GALC: variants seen among roughly 807,000 people sequenced by gnomAD.
The protein encoded by GALC is galactosylceramidase.
In GALC, 77 loss-of-function variants were observed where a neutral mutation model predicts 91.8. The ratio of observed to expected loss-of-function variants is 0.84; its 90% CI spans 0.70 to 1.01. The LOEUF (loss-of-function observed/expected upper bound fraction) is 1.01, where lower values mean the gene tolerates loss of function less well. Among genes scored for constraint, GALC ranks in the 50% least tolerant of loss-of-function variants. The pLI is 0.00. For synonymous variants in GALC, 357 were observed against 306.7 expected (o/e 1.16, Z -1.71); for missense variants, 882 against 855.9 (o/e 1.03, Z -0.38).
chr14:87,934,294 C>G lies in GALC; in HGVS notation c.*438G>C. ...AGTGTTCTTCAGCTTTCTATTATGG[C>G]AGCATCATCTTGTGATGAAGACACT... On this transcript the variant is annotated 3_prime_UTR_variant, in exon 17 of 17. Coordinates refer to ENST00000261304, the MANE Select transcript of GALC (RefSeq NM_000153.4). 8.5e-6 allele frequency: 11 copies of G among 1,294,062 alleles called. 1 individual carries two copies. The Middle Eastern group carries it at 9.1e-4, about 107-fold the overall frequency. The allele number at this position is 1,294,062 out of a possible 1,614,324, so 80.2% of individuals were successfully genotyped here.
intron 7 of GALC, among the ~76,000 whole-genome samples, chr14:87,970,933 TTCTC>T (rs1474109352): frequency 6.7e-6 from 1 of 149,732 alleles, no homozygotes; most frequent in African/African-American, 2.5e-5. Flanking sequence ...TAGGCAAACA[TTCTC>T]TATCACTTCA....
chr14:87,970,209 C>G (rs890930247), intron 7 of GALC, among the ~76,000 whole-genome samples: 5 of 152,202 alleles, frequency 3.3e-5, no homozygotes, highest in Non-Finnish European at 7.4e-5. Context: ...TAGTTGTCAT[C>G]CAGTTGTCTA....
In GALC at chr14:87,968,315, A is replaced by G. The variant is rs757796938; in HGVS notation, c.908+20T>C. On this transcript the variant is annotated intron_variant, in intron 8 of 16. Coordinates refer to ENST00000261304, the MANE Select transcript of GALC (RefSeq NM_000153.4). ...TAAATTTTTTTTGATAAGAACTCTAAAAGGTTTTTAATAACTTACGAAGTC... is the reference window on the plus strand; with the variant it reads ...TAAATTTTTTTTGATAAGAACTCTAGAAGGTTTTTAATAACTTACGAAGTC... 4 of 1,593,924 alleles carry G rather than the reference A, an allele frequency of 2.5e-6. No homozygotes were observed. Among genetic ancestry groups the G allele is most frequent in the Non-Finnish European group, 3.4e-6 (4 of 1,168,398 alleles).
Position 87,959,058 on chromosome 14 carries a change from G to C in GALC, c.1161+4326C>G, listed in dbSNP as rs1406130519. 3.3e-5 allele frequency among the ~76,000 whole-genome samples: 5 copies of C among 152,038 alleles called. No individual in the cohort carries two copies. The East Asian group carries it at 9.6e-4, about 29-fold the overall frequency. On this transcript the variant is annotated intron_variant, in intron 10 of 16. Coordinates refer to ENST00000261304, the MANE Select transcript of GALC (RefSeq NM_000153.4). ...AAGTAAAACAGCCTACAAAATGGGA[G>C]GAAATATTTGCAAATTATACATGAG...
upstream of GALC, chr14:87,993,430 G>C: frequency 8.5e-6 from 13 of 1,535,866 alleles, no homozygotes; most frequent in Non-Finnish European, 1.1e-5. Flanking sequence ...TTAACGCAGG[G>C]AAGGTGGATT....
At chr14:87,980,379 CAA>C (rs567899835) in intron 6 of GALC, 3,033 of 297,790 alleles carry the variant, frequency 0.01, no homozygotes, top group Non-Finnish European at 0.012. Flanking sequence ...GAGACTCTGT[CAA>C]AAAAAAAAAA....
At chr14:87,941,279 G>C in intron 15 of GALC, 116 bp downstream of exon 15, 1 of 718,368 alleles carries the variant, frequency 1.4e-6, no homozygotes, top group Non-Finnish European at 2.4e-6. Context: ...TTCCCAATTA[G>C]ATGTCCAAAC....
intron 3 of GALC, chr14:87,987,064 T>C (rs770346165): frequency 6.6e-6 from 3 of 454,358 alleles, no homozygotes; most frequent in South Asian, 1.6e-5. Flanking sequence ...TGTCTTGATA[T>C]AGGAAGAGTT....
chr14:87,935,368 T>C (rs1884528749), intron 16 of GALC, among the ~76,000 whole-genome samples: 1 of 152,052 alleles, frequency 6.6e-6, no homozygotes, highest in Admixed American at 6.6e-5. Flanking sequence ...GAAAAATAAT[T>C]AACCTTAGTT....
Position 87,992,978 on chromosome 14 carries a change from CGCT to C in GALC, c.184_186del (p.Ser62del). ...CGCAGCTTGCCGCTCACCCCGCCGC[CGCT>C]GACCGCGCCGATGCCGTCGAACTCC... On this transcript the variant is annotated inframe_deletion, in exon 1 of 17. Transcript: ENST00000261304. 6.6e-7 allele frequency: 1 copy of C among 1,524,850 alleles called. No homozygotes were observed. The highest frequency in any genetic ancestry group is 1.9e-5 in the Admixed American group (1 of 51,708). The allele number at this position is 1,524,850 out of a possible 1,614,324, so 94.5% of individuals were successfully genotyped here.
intron 13 of GALC, among the ~76,000 whole-genome samples, chr14:87,947,194 A>G (rs1350050401): frequency 1.3e-5 from 2 of 152,018 alleles, no homozygotes; most frequent in Non-Finnish European, 2.9e-5. Context: ...CTTTTTTCCA[A>G]GTGGTTTTCC....
chr14:87,965,327 C>A (rs1418049499), intron 9 of GALC, among the ~76,000 whole-genome samples, 178 bp downstream of exon 9: 1 of 152,150 alleles, frequency 6.6e-6, no homozygotes, highest in Non-Finnish European at 1.5e-5. Flanking sequence ...TTAGAATAAT[C>A]AGAGAGTAGT....
intron 4 of GALC, among the ~76,000 whole-genome samples, chr14:87,986,212 C>G (rs555345985): frequency 1.3e-5 from 2 of 152,262 alleles, no homozygotes; most frequent in East Asian, 3.9e-4. Flanking sequence ...TGTCTATGAC[C>G]TTAGGTCAGT....
chr14:87,970,666 C>T (rs1368471636), intron 7 of GALC, among the ~76,000 whole-genome samples: 12 of 150,558 alleles, frequency 8.0e-5, no homozygotes, highest in Admixed American at 7.9e-4. Context: ...TGAGACCATC[C>T]TGGCTAACAT....
intron 9 of GALC, among the ~76,000 whole-genome samples, chr14:87,964,665 T>C (rs986928618): frequency 6.6e-6 from 1 of 152,158 alleles, no homozygotes; most frequent in Non-Finnish European, 1.5e-5. Flanking sequence ...AAAACGGATG[T>C]ATTATCTATA....
chr14:87,946,711 G>A (rs1021928983), intron 13 of GALC, among the ~76,000 whole-genome samples: 11 of 151,796 alleles, frequency 7.2e-5, no homozygotes, highest in African/African-American at 1.9e-4. Flanking sequence ...AGAACCAAGC[G>A]AGCAACAGAT....
intron 10 of GALC, chr14:87,953,281 C>A (rs1885386349): frequency 1.3e-6 from 2 of 1,489,488 alleles, no homozygotes; most frequent in African/African-American, 1.4e-5. Context: ...AGGGCGGAGT[C>A]CTATAAATAA....
In GALC at chr14:87,955,226, C is replaced by A. The variant is rs541354333; in HGVS notation, c.1162-4478G>T. On this transcript the variant is annotated intron_variant, in intron 10 of 16. Transcript: ENST00000261304. ...TGAGGCCAGAGGAAGAAATGGCAGG[C>A]ATTTCAAGGAAGAAGTACTGAAATG... is the stretch of plus-strand genomic sequence containing the variant. The A allele has an allele frequency of 6.5e-5, 65 of 997,412 alleles. No individual in the cohort carries two copies. In the East Asian group the frequency reaches 1.2e-3, roughly 19 times the overall value. The allele number at this position is 997,412 out of a possible 1,614,324, so 61.8% of individuals were successfully genotyped here.
chr14:87,934,195 A>T lies in GALC; in HGVS notation c.*537T>A. On this transcript the variant is annotated 3_prime_UTR_variant, in exon 17 of 17. Coordinates refer to ENST00000261304, the MANE Select transcript of GALC (RefSeq NM_000153.4). ...CCTGCATTTCAAAAGTATCATCTTAAAAAGGAAAATAAAAAAATACTTTTT... is the reference window on the plus strand; with the variant it reads ...CCTGCATTTCAAAAGTATCATCTTATAAAGGAAAATAAAAAAATACTTTTT... The T allele has an allele frequency of 7.2e-7, 1 of 1,397,666 alleles. No individual in the cohort carries two copies. The highest frequency in any genetic ancestry group is 9.3e-7 in the Non-Finnish European group (1 of 1,079,850). 86.6% of individuals were successfully genotyped at this position (1,397,666 alleles called of 1,614,324 possible). A position where few individuals can be genotyped will look rare whatever the true frequency, so the allele number is the denominator to read the frequency against.
Sources: gnomAD v4.1 joint callset for allele counts (sites outside exome capture counted in the v4.1 genomes callset) on GRCh38, gnomAD v4.1.1 for gene constraint, MANE v1.5 for transcripts, NCBI Gene and HGNC (gene_info 2026-07-23, HGNC 2026-07-21) for gene names.